The following NRG4 variants were observed in gnomAD, a reference collection of about 807,000 sequenced individuals.
NRG4 encodes the protein neuregulin 4, also known as pro-neuregulin-4, membrane-bound isoform.
NRG4 carries 10 observed loss-of-function variants against 15.0 expected under a neutral mutation model. The observed-to-expected ratio is 0.67, with a 90% CI of 0.41 to 1.13. NRG4 has a LOEUF of 1.13. Among genes scored for constraint, NRG4 ranks in the 50% most tolerant of loss-of-function variants. The probability of loss-of-function intolerance (pLI) is 0.00; values close to 1 mark genes in which losing one functional copy is unlikely to be tolerated. For synonymous variants in NRG4, 41 were observed against 50.1 expected (o/e 0.82, Z 0.77); for missense variants, 139 against 140.2 (o/e 0.99, Z 0.04).
At chr15:75,978,210 C>T (rs1017851302) in intron 3 of NRG4, among the ~76,000 whole-genome samples, 2 of 152,134 alleles carry the variant, frequency 1.3e-5, no homozygotes, top group African/African-American at 4.8e-5. Flanking sequence ...CACCCAGTAC[C>T]CTTCCCAGCC....
chr15:75,983,732 C>G (rs2033690606), intron 3 of NRG4, among the ~76,000 whole-genome samples: 1 of 151,694 alleles, frequency 6.6e-6, no homozygotes, highest in South Asian at 2.1e-4. Context: ...CAGGAAAAGC[C>G]CCAGTCACAA....
Position 75,943,337 on chromosome 15 carries a change from G to T in NRG4, c.*301C>A. 2.7e-6 allele frequency: 1 copy of T among 375,636 alleles called. No homozygotes were observed. The highest frequency in any genetic ancestry group is 4.8e-6 in the Non-Finnish European group (1 of 209,808). The allele number at this position is 375,636 out of a possible 1,614,324, so 23.3% of individuals were successfully genotyped here. A position where few individuals can be genotyped will look rare whatever the true frequency, so the allele number is the denominator to read the frequency against. ...TATATCCCTTAGGGTTTCTCTCTAG[G>T]TGTGTGAACATTTGCCTCTGGTTGC... On this transcript the variant is annotated 3_prime_UTR_variant, in exon 6 of 6. Transcript: ENST00000394907.
At chr15:75,971,883 C>T (rs1018167285) in intron 3 of NRG4, among the ~76,000 whole-genome samples, 7 of 152,156 alleles carry the variant, frequency 4.6e-5, no homozygotes, top group African/African-American at 1.7e-4. Flanking sequence ...GCTATATACC[C>T]AGTAATGGGA....
chr15:75,988,169 G>A lies in NRG4; in HGVS notation c.104+21031C>T, dbSNP rs2033866395. Among the ~76,000 whole-genome samples, 3 of 152,148 alleles carry A rather than the reference G, an allele frequency of 2.0e-5. No individual in the cohort carries two copies. In the South Asian group the frequency reaches 6.2e-4, roughly 32 times the overall value. ...TGTGTCAGAGGATGCCGACGTCAAAGAGGTTGACTGTTATACAACTCTTTT... is the reference window on the plus strand; with the variant it reads ...TGTGTCAGAGGATGCCGACGTCAAAAAGGTTGACTGTTATACAACTCTTTT... On this transcript the variant is annotated intron_variant, in intron 3 of 5. Transcript: ENST00000394907.
intron 5 of NRG4, among the ~76,000 whole-genome samples, chr15:76,035,740 T>G (rs948980561): frequency 1.3e-5 from 2 of 152,158 alleles, no homozygotes; most frequent in African/African-American, 4.8e-5. Flanking sequence ...ACCTACAGAT[T>G]CTCTAAAATA....
chr15:75,941,035 C>T lies in NRG4; in HGVS notation c.*2603G>A, dbSNP rs1301523156. On this transcript the variant is annotated 3_prime_UTR_variant, in exon 6 of 6. Coordinates refer to ENST00000394907, the MANE Select transcript of NRG4 (RefSeq NM_138573.4). ...GTGGGAGGAAATAATATGCAGTTCA[C>T]GTACCTAATAAGGATTAAACATCCA... The T allele has an allele frequency of 2.6e-5, 4 of 152,098 alleles. No individual in the cohort carries two copies. Among genetic ancestry groups the T allele is most frequent in the South Asian group, 2.1e-4 (1 of 4,830 alleles). 9.4% of individuals were successfully genotyped at this position (152,098 alleles called of 1,614,324 possible). A position where few individuals can be genotyped will look rare whatever the true frequency, so the allele number is the denominator to read the frequency against.
intron 4 of NRG4, among the ~76,000 whole-genome samples, chr15:76,039,278 C>A (rs60180571): frequency 6.6e-6 from 1 of 152,032 alleles, no homozygotes; most frequent in African/African-American, 2.4e-5. Context: ...AAATAAGGTG[C>A]GAGGCCAATC....
intron 1 of NRG4, among the ~76,000 whole-genome samples, chr15:76,057,960 G>A (rs994344484): frequency 6.6e-6 from 1 of 151,894 alleles, no homozygotes; most frequent in Non-Finnish European, 1.5e-5. Flanking sequence ...ATTCCTGGTA[G>A]AAATTTGAAG....
intron 1 of NRG4, among the ~76,000 whole-genome samples, chr15:76,058,659 A>C (rs1355771193): frequency 2.0e-5 from 3 of 152,244 alleles, no homozygotes; most frequent in African/African-American, 4.8e-5. Context: ...CAAGAATCAG[A>C]AATCAAACCT....
chr15:76,033,835 G>A (rs547402204), intron 5 of NRG4, among the ~76,000 whole-genome samples: 5 of 152,182 alleles, frequency 3.3e-5, no homozygotes, highest in African/African-American at 7.2e-5. Context: ...AAAGCCTTCC[G>A]TGAAGTCCCC....
At chr15:76,051,997 T>G (rs2036032627) in intron 4 of NRG4, 1 of 151,002 alleles carries the variant, frequency 6.6e-6, no homozygotes, top group Non-Finnish European at 1.5e-5. Flanking sequence ...AAACCAATGA[T>G]CTAGGATTAT....
intron 5 of NRG4, among the ~76,000 whole-genome samples, chr15:76,022,697 A>G (rs532899706): frequency 1.3e-5 from 2 of 152,184 alleles, no homozygotes; most frequent in Non-Finnish European, 2.9e-5. Flanking sequence ...GAATGGCAAG[A>G]ATAGATAGTA....
intron 3 of NRG4, among the ~76,000 whole-genome samples, chr15:75,984,968 C>G (rs2033744017): frequency 6.6e-6 from 1 of 152,068 alleles, no homozygotes; most frequent in Non-Finnish European, 1.5e-5. Context: ...CTTCAGCCTC[C>G]CATGTAGCTG....
intron 5 of NRG4, among the ~76,000 whole-genome samples, chr15:75,954,261 TTTTG>T (rs2032089306): frequency 1.3e-5 from 2 of 149,700 alleles, no homozygotes; most frequent in African/African-American, 5.0e-5. Context: ...GTTTTTGTTT[TTTTG>T]TTTTTTTTTT....
At chr15:76,003,792 CTAAA>C (rs1166899650) in intron 3 of NRG4, among the ~76,000 whole-genome samples, 1 of 151,996 alleles carries the variant, frequency 6.6e-6, no homozygotes, top group Non-Finnish European at 1.5e-5. Flanking sequence ...ACTCAAATGG[CTAAA>C]TAAACAAACA....
At chr15:76,018,986 CCT>C (rs2035069770) in intron 5 of NRG4, among the ~76,000 whole-genome samples, 1 of 152,028 alleles carries the variant, frequency 6.6e-6, no homozygotes, top group South Asian at 2.1e-4. Flanking sequence ...TCCATAACCC[CCT>C]GACTGGGGCT....
chr15:76,009,071 C>T, intron 3 of NRG4, 129 bp downstream of exon 3: 3 of 628,340 alleles, frequency 4.8e-6, no homozygotes, highest in Middle Eastern at 2.9e-4. Flanking sequence ...ATAATTTTCC[C>T]TAAATAAATA....
intron 3 of NRG4, among the ~76,000 whole-genome samples, chr15:75,999,200 C>A (rs1471602152): frequency 6.6e-6 from 1 of 152,126 alleles, no homozygotes; most frequent in Non-Finnish European, 1.5e-5. Flanking sequence ...ACTGTTCTAG[C>A]AGTAAACATA....
intron 4 of NRG4, among the ~76,000 whole-genome samples, chr15:76,042,583 A>G (rs931745337): frequency 6.6e-6 from 1 of 152,152 alleles, no homozygotes; most frequent in Non-Finnish European, 1.5e-5. Flanking sequence ...TCCTAGACAT[A>G]TACAACCTAC....
Sources: gnomAD v4.1 joint callset for allele counts (sites outside exome capture counted in the v4.1 genomes callset) on GRCh38, gnomAD v4.1.1 for gene constraint, MANE v1.5 for transcripts, NCBI Gene and HGNC (gene_info 2026-07-23, HGNC 2026-07-21) for gene names.